The following SPOCK1 variants were observed in gnomAD, a reference collection of about 807,000 sequenced individuals.
The protein encoded by SPOCK1 is SPARC (osteonectin), cwcv and kazal like domains proteoglycan 1, also known as testican-1.
Under a neutral mutation model 55.3 loss-of-function variants are expected in SPOCK1, and 23 were observed. The ratio of observed to expected loss-of-function variants is 0.42; its 90% CI spans 0.30 to 0.59. The LOEUF is 0.59. Ranked by LOEUF, SPOCK1 falls within the 20% of genes least tolerant of loss-of-function variation. The pLI, the probability that SPOCK1 is intolerant of heterozygous loss-of-function variation, is 0.22. For missense variants in SPOCK1, 499 were observed against 552.5 expected (o/e 0.90, Z 0.97); for synonymous variants, 226 against 221.0 (o/e 1.02, Z -0.20).
At chr5:137,193,605 G>A (rs944036085) in intron 3 of SPOCK1, among the ~76,000 whole-genome samples, 4 of 152,178 alleles carry the variant, frequency 2.6e-5, no homozygotes, top group African/African-American at 9.7e-5. Flanking sequence ...AGTCATGCTT[G>A]GTGTCCGCCT....
intron 3 of SPOCK1, among the ~76,000 whole-genome samples, chr5:137,249,886 A>G (rs1756473796): frequency 6.6e-6 from 1 of 152,194 alleles, no homozygotes; most frequent in Non-Finnish European, 1.5e-5. Context: ...ACAGTTGACA[A>G]TCAGCTACTC....
chr5:137,147,111 G>A (rs1209156369), intron 3 of SPOCK1, among the ~76,000 whole-genome samples: 2 of 152,168 alleles, frequency 1.3e-5, no homozygotes, highest in East Asian at 1.9e-4. Context: ...AGGTGGGGGA[G>A]AGGGTTATAA....
At chr5:137,228,684 T>C (rs776325130) in intron 3 of SPOCK1, among the ~76,000 whole-genome samples, 5 of 152,048 alleles carry the variant, frequency 3.3e-5, no homozygotes, top group Admixed American at 6.6e-5. Flanking sequence ...CCTAATCATC[T>C]TCTCAAAATA....
intron 6 of SPOCK1, among the ~76,000 whole-genome samples, chr5:136,995,556 G>A (rs1251157575): frequency 6.6e-6 from 1 of 152,186 alleles, no homozygotes; most frequent in Non-Finnish European, 1.5e-5. Context: ...TTTCACATTT[G>A]AAAATGGGAA....
At chr5:137,038,696 G>A (rs1320008607) in intron 6 of SPOCK1, among the ~76,000 whole-genome samples, 3 of 152,174 alleles carry the variant, frequency 2.0e-5, no homozygotes, top group African/African-American at 7.2e-5. Context: ...ATGAGCCAAG[G>A]AAAGAACTTA....
intron 2 of SPOCK1, among the ~76,000 whole-genome samples, chr5:137,364,443 G>A (rs962972196): frequency 6.6e-6 from 1 of 152,174 alleles, no homozygotes; most frequent in African/African-American, 2.4e-5. Context: ...GAAAAATGGA[G>A]TCATTTTTAC....
chr5:137,476,586 G>A (rs1753841712), intron 2 of SPOCK1, among the ~76,000 whole-genome samples: 1 of 152,176 alleles, frequency 6.6e-6, no homozygotes, highest in African/African-American at 2.4e-5. Context: ...TTCTCAGGCT[G>A]AGTGGGGCAG....
intron 2 of SPOCK1, among the ~76,000 whole-genome samples, chr5:137,343,672 C>T (rs1750489372): frequency 6.6e-6 from 1 of 152,188 alleles, no homozygotes. Context: ...AGGGTCAATC[C>T]CAACCCTCTA....
At chr5:137,328,732 A>G (rs1758119525) in intron 2 of SPOCK1, among the ~76,000 whole-genome samples, 2 of 152,222 alleles carry the variant, frequency 1.3e-5, no homozygotes, top group Non-Finnish European at 2.9e-5. Context: ...TGAAGCTTAG[A>G]GAGGCTAGGA....
At chr5:137,076,122 C>T (rs1752754496) in intron 5 of SPOCK1, among the ~76,000 whole-genome samples, 1 of 152,136 alleles carries the variant, frequency 6.6e-6, no homozygotes, top group African/African-American at 2.4e-5. Flanking sequence ...CTGGATGCAG[C>T]AGAGAGCCCA....
chr5:137,147,108 G>T (rs1754210936), intron 3 of SPOCK1, among the ~76,000 whole-genome samples: 1 of 152,152 alleles, frequency 6.6e-6, no homozygotes, highest in Non-Finnish European at 1.5e-5. Flanking sequence ...GTGAGGTGGG[G>T]GAGAGGGTTA....
chr5:137,420,358 T>A (rs544022269), intron 2 of SPOCK1, among the ~76,000 whole-genome samples: 4 of 152,202 alleles, frequency 2.6e-5, no homozygotes, highest in African/African-American at 9.7e-5. Context: ...TTGGAATAGT[T>A]TCAGAAGGAA....
intron 2 of SPOCK1, among the ~76,000 whole-genome samples, chr5:137,436,098 C>T (rs1168631141): frequency 6.6e-6 from 1 of 152,070 alleles, no homozygotes; most frequent in Non-Finnish European, 1.5e-5. Context: ...GTGGAGGTTG[C>T]GGTGAGCCAG....
intron 2 of SPOCK1, among the ~76,000 whole-genome samples, chr5:137,348,909 A>G (rs1750618181): frequency 6.6e-6 from 1 of 152,236 alleles, no homozygotes; most frequent in Non-Finnish European, 1.5e-5. Flanking sequence ...CTGCAGATCA[A>G]TACAGCTCTA....
At chr5:137,368,988 C>T (rs1370636540) in intron 2 of SPOCK1, among the ~76,000 whole-genome samples, 1 of 152,256 alleles carries the variant, frequency 6.6e-6, no homozygotes, top group Non-Finnish European at 1.5e-5. Flanking sequence ...CTCTGTACAA[C>T]AGACTCATAC....
intron 2 of SPOCK1, among the ~76,000 whole-genome samples, chr5:137,416,468 A>T (rs1752329938): frequency 6.6e-6 from 1 of 152,120 alleles, no homozygotes; most frequent in Non-Finnish European, 1.5e-5. Flanking sequence ...AAATATACCT[A>T]TCGCATTCTT....
intron 3 of SPOCK1, among the ~76,000 whole-genome samples, chr5:137,199,183 G>A (rs998521107): frequency 1.3e-5 from 2 of 152,164 alleles, no homozygotes; most frequent in African/African-American, 4.8e-5. Context: ...GGAGAACACA[G>A]GGTGCTGCCA....
chr5:137,421,871 T>G (rs761890486), intron 2 of SPOCK1, among the ~76,000 whole-genome samples: 4 of 152,244 alleles, frequency 2.6e-5, no homozygotes, highest in Non-Finnish European at 5.9e-5. Context: ...GCTCGTTAGT[T>G]GATGCAGTTT....
chr5:137,179,818 C>A (rs749385640), intron 3 of SPOCK1, among the ~76,000 whole-genome samples: 1 of 152,188 alleles, frequency 6.6e-6, no homozygotes, highest in Non-Finnish European at 1.5e-5. Context: ...GTCCCTACTA[C>A]TTCCTGGGGC....
Sources: gnomAD v4.1 joint callset for allele counts (sites outside exome capture counted in the v4.1 genomes callset) on GRCh38, gnomAD v4.1.1 for gene constraint, MANE v1.5 for transcripts, NCBI Gene and HGNC (gene_info 2026-07-23, HGNC 2026-07-21) for gene names.